Variants in PCDHGB5 observed in about 807,000 individuals in gnomAD.
The protein encoded by PCDHGB5 is protocadherin gamma subfamily B, 5.
In PCDHGB5, 48 loss-of-function variants were observed where a neutral mutation model predicts 62.9. The ratio of observed to expected loss-of-function variants is 0.76; its 90% CI spans 0.61 to 0.97. The LOEUF is 0.97. PCDHGB5 is among the 50% of genes least tolerant of loss of function. The pLI is 0.00. For synonymous variants in PCDHGB5, 474 were observed against 511.2 expected (o/e 0.93, Z 0.98); for missense variants, 1,118 against 1,198.6 (o/e 0.93, Z 0.99).
intron 1 of PCDHGB5, among the ~76,000 whole-genome samples, chr5:141,472,980 C>CAAAAAAAAAAAAAAAAAGAAAAAAA (rs2099309731): frequency 1.2e-5 from 1 of 86,102 alleles, no homozygotes; most frequent in African/African-American, 3.9e-5. Flanking sequence ...GAGTGAAACT[C>CAAAAAAAAAAAAAAAAAGAAAAAAA]AAAAAAAAAA....
Position 141,486,904 on chromosome 5 carries a change from C to G in PCDHGB5, c.2398-7903C>G. On this transcript the variant is annotated intron_variant, in intron 1 of 3. Transcript: ENST00000617380. This position sits in a 1 kb window ranked among gnomAD's most constrained non-coding sequence, Gnocchi z 5.0. The stretch of plus-strand genomic sequence containing the variant: ...GGGCCCGGCCTGGTTCCTTATGTCC[C>G]CAAGCACTGCCTCCATCAGTTGGTG... 6.2e-7 allele frequency: 1 copy of G among 1,614,226 alleles called. No individual in the cohort carries two copies. The highest frequency in any genetic ancestry group is 1.1e-5 in the South Asian group (1 of 91,080).
chr5:141,449,471 G>A (rs1261821886), intron 1 of PCDHGB5, among the ~76,000 whole-genome samples: 1 of 151,060 alleles, frequency 6.6e-6, no homozygotes, highest in African/African-American at 2.4e-5. Flanking sequence ...GCCAGGCCTG[G>A]TACCCCATGC....
intron 1 of PCDHGB5, chr5:141,421,256 G>A (rs1205670837): frequency 1.2e-6 from 2 of 1,607,696 alleles, no homozygotes; most frequent in African/African-American, 1.3e-5. Flanking sequence ...CGCGGGGACC[G>A]CAGTCGGCTG....
intron 1 of PCDHGB5, among the ~76,000 whole-genome samples, chr5:141,452,276 C>A (rs1160292593): frequency 2.6e-5 from 4 of 152,172 alleles, no homozygotes; most frequent in Admixed American, 6.5e-5. Flanking sequence ...TGAACCCTTT[C>A]TTACTTTCTG....
Position 141,410,368 on chromosome 5 carries a change from T to C in PCDHGB5, c.2397+9844T>C, listed in dbSNP as rs751198926. 5.6e-6 allele frequency: 9 copies of C among 1,613,956 alleles called. No homozygotes were observed. The African/African-American group carries it at 1.2e-4, about 22-fold the overall frequency. On this transcript the variant is annotated intron_variant, in intron 1 of 3. Coordinates refer to ENST00000617380, the MANE Select transcript of PCDHGB5 (RefSeq NM_018925.3). Reference sequence around the variant, plus strand: ...GCCTGCGACGCTCTCTCAGCCCTGCTACTTGGGACTGCTTCCATCCTGGTC... The same window carrying C: ...GCCTGCGACGCTCTCTCAGCCCTGCCACTTGGGACTGCTTCCATCCTGGTC...
intron 2 of PCDHGB5, among the ~76,000 whole-genome samples, chr5:141,503,340 T>A (rs1394172617): frequency 6.6e-6 from 1 of 152,064 alleles, no homozygotes; most frequent in African/African-American, 2.4e-5. Flanking sequence ...CTCACGCCTG[T>A]AATTCCAGCA....
At chr5:141,464,227 T>C (rs539811399) in intron 1 of PCDHGB5, among the ~76,000 whole-genome samples, 58 of 147,282 alleles carry the variant, frequency 3.9e-4, no homozygotes, top group Admixed American at 2.5e-3. Flanking sequence ...ATTGCGCCAC[T>C]GCACTCCAGC....
At chr5:141,430,834 G>T (rs1317415848) in intron 1 of PCDHGB5, 1 of 1,557,712 alleles carries the variant, frequency 6.4e-7, no homozygotes, top group Non-Finnish European at 8.7e-7. Context: ...CTCTGTGGGA[G>T]ACCGGATGCA....
Position 141,490,924 on chromosome 5 carries a change from C to A in PCDHGB5, c.2398-3883C>A. 1 of 1,613,680 alleles carries A rather than the reference C, an allele frequency of 6.2e-7. No individual in the cohort carries two copies. Among genetic ancestry groups the A allele is most frequent in the Non-Finnish European group, 8.5e-7 (1 of 1,179,694 alleles). On this transcript the variant is annotated intron_variant, in intron 1 of 3. Coordinates refer to ENST00000617380, the MANE Select transcript of PCDHGB5 (RefSeq NM_018925.3). The surrounding 1 kb of genome is among the most constrained non-coding windows in gnomAD (Gnocchi z 5.4). ...TGTCCTAGACGAGAATGATAATGCC[C>A]CAGCTGTGCTGCACCCACGGCCAGA...
Position 141,431,278 on chromosome 5 carries a change from C to A in PCDHGB5, c.2397+30754C>A, listed in dbSNP as rs755533628. On this transcript the variant is annotated intron_variant, in intron 1 of 3. Transcript: ENST00000617380. The surrounding 1 kb of genome is among the most constrained non-coding windows in gnomAD (Gnocchi z 4.8). ...ACTCTCTGCAGAGCTACGAGCTCAG[C>A]CCGAACACTCACTTCTCCCTCATCG... 6.2e-7 allele frequency: 1 copy of A among 1,614,170 alleles called. No individual in the cohort carries two copies. The highest frequency in any genetic ancestry group is 8.5e-7 in the Non-Finnish European group (1 of 1,180,038).
At chr5:141,421,613 A>G in intron 1 of PCDHGB5, 2 of 1,613,838 alleles carry the variant, frequency 1.2e-6, no homozygotes, top group South Asian at 2.2e-5. Flanking sequence ...GATATTAATG[A>G]TAACGCCCCC....
At chr5:141,483,329 A>C (rs1463046335) in intron 1 of PCDHGB5, among the ~76,000 whole-genome samples, 3 of 152,182 alleles carry the variant, frequency 2.0e-5, no homozygotes, top group Non-Finnish European at 2.9e-5. Flanking sequence ...GGAGGCAAAG[A>C]GATCTTATCT....
chr5:141,481,694 C>A (rs2099542163), intron 1 of PCDHGB5, among the ~76,000 whole-genome samples: 1 of 152,130 alleles, frequency 6.6e-6, no homozygotes, highest in South Asian at 2.1e-4. Flanking sequence ...TGGCTCACGC[C>A]TGTAATCCCA....
intron 1 of PCDHGB5, among the ~76,000 whole-genome samples, chr5:141,460,976 T>C (rs1444476508): frequency 7.6e-6 from 1 of 131,636 alleles, no homozygotes; most frequent in Non-Finnish European, 1.6e-5. Flanking sequence ...TGTGTGTGTG[T>C]GTGTGTGTAT....
chr5:141,454,956 G>A (rs62379171), intron 1 of PCDHGB5, among the ~76,000 whole-genome samples: 5,077 of 149,940 alleles, frequency 0.034, 97 homozygotes, highest in Middle Eastern at 0.091. Context: ...TACAGGCGCC[G>A]GCCACCACGC....
Position 141,431,518 on chromosome 5 carries a change from G to T in PCDHGB5, c.2397+30994G>T. 6.2e-7 allele frequency: 1 copy of T among 1,614,090 alleles called. No individual in the cohort carries two copies. Among genetic ancestry groups the T allele is most frequent in the Non-Finnish European group, 8.5e-7 (1 of 1,180,038 alleles). ...CCGAGTACCGCGCGAGCGTTCCGGA[G>T]AATCTGGCCTTGGGCACGCAGCTGC... On this transcript the variant is annotated intron_variant, in intron 1 of 3. Coordinates refer to ENST00000617380, the MANE Select transcript of PCDHGB5 (RefSeq NM_018925.3). The surrounding 1 kb of genome is among the most constrained non-coding windows in gnomAD (Gnocchi z 4.8).
chr5:141,492,851 C>T (rs1289268967), intron 1 of PCDHGB5, among the ~76,000 whole-genome samples: 2 of 152,204 alleles, frequency 1.3e-5, no homozygotes, highest in Non-Finnish European at 2.9e-5. Flanking sequence ...GTGAAAGCCT[C>T]GAGCGCCCTG....
intron 1 of PCDHGB5, among the ~76,000 whole-genome samples, chr5:141,457,898 A>T (rs1035775197): frequency 6.6e-6 from 1 of 151,874 alleles, no homozygotes; most frequent in Non-Finnish European, 1.5e-5. Context: ...GACTGTGTAG[A>T]CAAGGTGTGA....
chr5:141,422,194 C>A, intron 1 of PCDHGB5: 1 of 1,562,366 alleles, frequency 6.4e-7, no homozygotes, highest in South Asian at 1.2e-5. Flanking sequence ...AATTCAAGGC[C>A]AAGATGGTGG....
Sources: allele counts gnomAD v4.1 joint callset (sites outside exome capture counted in the v4.1 genomes callset), GRCh38; gene constraint gnomAD v4.1.1; non-coding constraint Gnocchi (gnomAD v3.1); transcripts MANE v1.5; gene names NCBI Gene and HGNC (gene_info 2026-07-23, HGNC 2026-07-21).